Variants in ROR1 observed in about 807,000 individuals in gnomAD.
The protein encoded by ROR1 is ROR family WNT receptor 1.
A neutral mutation model predicts 78.8 loss-of-function variants in ROR1; 19 were observed. The ratio of observed to expected loss-of-function variants is 0.24; its 90% CI spans 0.17 to 0.35. The LOEUF (loss-of-function observed/expected upper bound fraction) is 0.35. ROR1 is among the 10% of genes least tolerant of loss of function. ROR1 has a pLI of 1.00. For missense variants in ROR1, 917 were observed against 1,177.8 expected (o/e 0.78, Z 3.24); for synonymous variants, 386 against 433.6 (o/e 0.89, Z 1.36).
intron 1 of ROR1, among the ~76,000 whole-genome samples, chr1:63,776,690 G>A (rs1644618507): frequency 6.6e-6 from 1 of 152,108 alleles, no homozygotes. Flanking sequence ...CTAGGTGCCG[G>A]GCTACCTGCC....
rs201549913 is a variant in ROR1, at chr1:63,789,225, T to C, written c.91+14717T>C. 126 of 594,594 alleles carry C rather than the reference T, an allele frequency of 2.1e-4. 1 individual carries two copies. The East Asian group carries it at 3.4e-3, about 16-fold the overall frequency. 36.8% of individuals were successfully genotyped at this position (594,594 alleles called of 1,614,324 possible). A position where few individuals can be genotyped will look rare whatever the true frequency, so the allele number is the denominator to read the frequency against. ...GGCATTGGAGATTTCATTGGTTTCATTGGGGTCCAACCAGACCTTCTTCTT... is the reference window on the plus strand; with the variant it reads ...GGCATTGGAGATTTCATTGGTTTCACTGGGGTCCAACCAGACCTTCTTCTT... On this transcript the variant is annotated intron_variant, in intron 1 of 8. Coordinates refer to ENST00000371079, the MANE Select transcript of ROR1 (RefSeq NM_005012.4).
At chr1:63,987,783 C>T (rs1340478163) in intron 1 of ROR1, among the ~76,000 whole-genome samples, 2 of 152,152 alleles carry the variant, frequency 1.3e-5, no homozygotes, top group African/African-American at 4.8e-5. Flanking sequence ...GCTATATTAG[C>T]ATATATTTCA....
intron 4 of ROR1, chr1:64,111,887 T>A (rs1490840781): frequency 6.6e-6 from 1 of 152,208 alleles, no homozygotes; most frequent in Non-Finnish European, 1.5e-5. Flanking sequence ...TCAAATGTGA[T>A]GATGTTTAAG....
intron 1 of ROR1, among the ~76,000 whole-genome samples, chr1:63,787,458 C>CTTCT (rs1207229700): frequency 7.5e-6 from 1 of 133,820 alleles, no homozygotes; most frequent in African/African-American, 3.3e-5. Context: ...TCCTTCCTTC[C>CTTCT]TTCCTTCCTT....
chr1:64,137,963 C>G (rs76776538), intron 5 of ROR1, among the ~76,000 whole-genome samples: 6,598 of 152,206 alleles, frequency 0.043, 473 homozygotes, highest in African/African-American at 0.15. Context: ...CAAAAAGTCC[C>G]CTTCTTCATC....
At chr1:63,923,886 T>A (rs1645677614) in intron 1 of ROR1, among the ~76,000 whole-genome samples, 1 of 151,806 alleles carries the variant, frequency 6.6e-6, no homozygotes, top group Non-Finnish European at 1.5e-5. Context: ...CGGCCTTCTT[T>A]TTCTTCCTTG....
At chr1:63,855,573 G>A (rs575906026) in intron 1 of ROR1, among the ~76,000 whole-genome samples, 81 of 150,784 alleles carry the variant, frequency 5.4e-4, no homozygotes, top group Non-Finnish European at 7.4e-4. Flanking sequence ...CCTCTGCAAT[G>A]TCTAATCTGA....
chr1:63,896,242 G>A (rs1645438752), intron 1 of ROR1, among the ~76,000 whole-genome samples: 1 of 152,152 alleles, frequency 6.6e-6, no homozygotes, highest in Admixed American at 6.5e-5. Context: ...CCTTTCTGAA[G>A]TTGTTTTGAT....
intron 1 of ROR1, among the ~76,000 whole-genome samples, chr1:63,835,963 T>G (rs1645016712): frequency 6.6e-6 from 1 of 152,222 alleles, no homozygotes; most frequent in Non-Finnish European, 1.5e-5. Flanking sequence ...GTGTAGTGAC[T>G]AAAGTGAAAA....
chr1:64,129,642 G>A (rs965334032), intron 4 of ROR1, among the ~76,000 whole-genome samples: 19 of 152,152 alleles, frequency 1.2e-4, no homozygotes, highest in East Asian at 3.9e-4. Flanking sequence ...GTGCAAGGCC[G>A]CCCTATCATG....
At chr1:64,077,716 C>T (rs867167810) in intron 4 of ROR1, among the ~76,000 whole-genome samples, 3 of 152,382 alleles carry the variant, frequency 2.0e-5, no homozygotes, top group Middle Eastern at 3.4e-3. Context: ...CCTCAGGGAA[C>T]ATTCTGTCTG....
At chr1:63,938,601 A>G (rs1193764115) in intron 1 of ROR1, among the ~76,000 whole-genome samples, 1 of 152,178 alleles carries the variant, frequency 6.6e-6, no homozygotes, top group African/African-American at 2.4e-5. Context: ...ATTGCTGTTC[A>G]ATGAAATCTC....
At chr1:63,806,601 G>C (rs907765610) in intron 1 of ROR1, among the ~76,000 whole-genome samples, 1 of 152,198 alleles carries the variant, frequency 6.6e-6, no homozygotes, top group Non-Finnish European at 1.5e-5. Flanking sequence ...ACAGGCGTGA[G>C]CCACCGCGCC....
At chr1:63,951,424 T>C (rs997983192) in intron 1 of ROR1, among the ~76,000 whole-genome samples, 1 of 152,024 alleles carries the variant, frequency 6.6e-6, no homozygotes, top group Non-Finnish European at 1.5e-5. Context: ...ATCATGTCAG[T>C]CAATGAAAGT....
At chr1:64,025,971 A>G (rs1035649490) in intron 2 of ROR1, among the ~76,000 whole-genome samples, 1 of 152,142 alleles carries the variant, frequency 6.6e-6, no homozygotes, top group African/African-American at 2.4e-5. Flanking sequence ...TAAAGCACTT[A>G]CTCATGTAAC....
intron 1 of ROR1, among the ~76,000 whole-genome samples, chr1:63,902,850 C>T (rs952741906): frequency 6.6e-6 from 1 of 152,168 alleles, no homozygotes; most frequent in Admixed American, 6.5e-5. Context: ...GACCCAGACA[C>T]CTTTTCTGTT....
intron 4 of ROR1, among the ~76,000 whole-genome samples, chr1:64,130,062 C>T (rs778206147): frequency 4.6e-5 from 7 of 152,234 alleles, no homozygotes; most frequent in East Asian, 1.9e-4. Context: ...TGAAACAGGT[C>T]GAGGGACTCT....
intron 8 of ROR1, among the ~76,000 whole-genome samples, chr1:64,168,084 C>T (rs1398982684): frequency 2.0e-5 from 3 of 152,226 alleles, no homozygotes; most frequent in East Asian, 1.9e-4. Flanking sequence ...TGGGGGCAGT[C>T]GTAATATGAA....
At chr1:63,916,403 A>G (rs928389582) in intron 1 of ROR1, among the ~76,000 whole-genome samples, 2 of 152,180 alleles carry the variant, frequency 1.3e-5, no homozygotes, top group Non-Finnish European at 2.9e-5. Context: ...AAAGCCTAAT[A>G]ACATGGTAAT....
Sources: allele counts gnomAD v4.1 joint callset (sites outside exome capture counted in the v4.1 genomes callset), GRCh38; gene constraint gnomAD v4.1.1; transcripts MANE v1.5; gene names NCBI Gene and HGNC (gene_info 2026-07-23, HGNC 2026-07-21).